The following NFIB variants were observed in gnomAD, a reference collection of about 807,000 sequenced individuals.
NFIB encodes the protein nuclear factor I B.
A neutral mutation model predicts 61.5 loss-of-function variants in NFIB; 11 were observed. That is an observed-to-expected ratio of 0.18 (90% confidence interval 0.11 to 0.30). NFIB has a LOEUF of 0.30. NFIB is among the 10% of genes least tolerant of loss of function. The pLI is 1.00. For missense variants in NFIB, 471 were observed against 608.9 expected, an observed-to-expected ratio of 0.77 and a Z score of 2.38; for synonymous variants, 260 against 216.5, an observed-to-expected ratio of 1.20 and a Z score of -1.76.
chr9:14,286,887 T>C (rs2058740195), intron 2 of NFIB, among the ~76,000 whole-genome samples: 1 of 152,140 alleles, frequency 6.6e-6, no homozygotes, highest in Non-Finnish European at 1.5e-5. Flanking sequence ...TCTCCCTACA[T>C]GTGCACAACA....
At chr9:14,100,637 C>G (rs1354764120) in intron 10 of NFIB, among the ~76,000 whole-genome samples, 2 of 152,190 alleles carry the variant, frequency 1.3e-5, no homozygotes, top group African/African-American at 4.8e-5. Flanking sequence ...TGGCGTGAAC[C>G]CGGGAGGCGG....
At chr9:14,116,171 A>C in intron 9 of NFIB, 37 bp downstream of exon 9, 1 of 1,462,922 alleles carries the variant, frequency 6.8e-7, no homozygotes, top group Non-Finnish European at 9.1e-7. Flanking sequence ...TTTCCTATGG[A>C]AATACTTACT....
At chr9:14,464,373 C>T in the NFIB span, among the ~76,000 whole-genome samples, 1 of 152,142 alleles carries the variant, frequency 6.6e-6, no homozygotes, top group Non-Finnish European at 1.5e-5. Context: ...TTTATTATCT[C>T]TTAGGCAGTG....
At chr9:14,404,726 T>C in the NFIB span, among the ~76,000 whole-genome samples, 1 of 152,110 alleles carries the variant, frequency 6.6e-6, no homozygotes, top group Non-Finnish European at 1.5e-5. Context: ...TGGGAGCTAG[T>C]GAGTTAAAGA....
chr9:14,449,669 C>CCTA, the NFIB span, among the ~76,000 whole-genome samples: 2 of 152,134 alleles, frequency 1.3e-5, no homozygotes, highest in Non-Finnish European at 2.9e-5. Context: ...GTGGCTTACA[C>CCTA]CTGTAATCCC....
chr9:14,092,393 T>C (rs575675384), intron 10 of NFIB, among the ~76,000 whole-genome samples: 1 of 152,200 alleles, frequency 6.6e-6, no homozygotes, highest in South Asian at 2.1e-4. Context: ...AGTGAGCTCA[T>C]GAGATGGCCA....
intron 6 of NFIB, among the ~76,000 whole-genome samples, chr9:14,139,186 G>A (rs1438765556): frequency 6.6e-6 from 1 of 152,140 alleles, no homozygotes; most frequent in Non-Finnish European, 1.5e-5. Context: ...TCTAGGCTCT[G>A]CCATTCATTA....
intron 6 of NFIB, among the ~76,000 whole-genome samples, chr9:14,129,412 CAA>C (rs1327769953): frequency 7.8e-6 from 1 of 128,030 alleles, no homozygotes; most frequent in African/African-American, 2.9e-5. Flanking sequence ...GACAAAAAAA[CAA>C]AAAAAAAACA....
At chr9:14,476,157 G>A in the NFIB span, among the ~76,000 whole-genome samples, 1 of 151,202 alleles carries the variant, frequency 6.6e-6, no homozygotes, top group Non-Finnish European at 1.5e-5. Context: ...CCAAATATTA[G>A]AAGTTCAAAA....
At position 14,376,635 on chromosome 9, in the gene NFIB, A is replaced by G. The variant is rs529337527; in HGVS notation, c.108+21889T>C. Reference sequence around the variant, plus strand: ...AGGTTCAAGTGATTCTCCTCCGTCAACCTCCCCAGTAGCTGGGATTACAGA... The same window carrying G: ...AGGTTCAAGTGATTCTCCTCCGTCAGCCTCCCCAGTAGCTGGGATTACAGA... On this transcript the variant is annotated intron_variant, in intron 1 of 8. Coordinates refer to the NFIB transcript ENST00000380934. Among the ~76,000 whole-genome samples, 4 of 151,126 alleles carry G rather than the reference A, an allele frequency of 2.6e-5. No homozygotes were observed. In the East Asian group the frequency reaches 7.8e-4, roughly 30 times the overall value.
the NFIB span, among the ~76,000 whole-genome samples, chr9:14,464,093 T>C: frequency 2.6e-5 from 4 of 152,130 alleles, no homozygotes; most frequent in African/African-American, 9.7e-5. Flanking sequence ...CGCTAGTGAC[T>C]GGCTGTGTCT....
intron 1 of NFIB, among the ~76,000 whole-genome samples, chr9:14,348,406 G>C (rs1021782948): frequency 3.3e-5 from 5 of 151,986 alleles, no homozygotes; most frequent in African/African-American, 1.2e-4. Flanking sequence ...GGCTCGCTGA[G>C]CGCCGTTCCA....
chr9:14,481,967 A>G, the NFIB span, among the ~76,000 whole-genome samples: 2 of 152,080 alleles, frequency 1.3e-5, no homozygotes, highest in African/African-American at 4.8e-5. Flanking sequence ...TGGCCGGACT[A>G]AATGACCTCT....
intron 1 of NFIB, among the ~76,000 whole-genome samples, chr9:14,330,206 T>C (rs1400142314): frequency 6.6e-6 from 1 of 152,190 alleles, no homozygotes; most frequent in Non-Finnish European, 1.5e-5. Flanking sequence ...GATCACTTTA[T>C]GGGGATAACA....
chr9:14,135,227 T>G (rs983534388), intron 6 of NFIB, among the ~76,000 whole-genome samples: 4 of 152,178 alleles, frequency 2.6e-5, no homozygotes, highest in Non-Finnish European at 5.9e-5. Context: ...TAGATATTTT[T>G]GGGAAAATTG....
In NFIB at chr9:14,313,208, C is replaced by T. The variant is rs922182423; in HGVS notation, c.30+274G>A. Among the ~76,000 whole-genome samples, 2 of 151,942 alleles carry T rather than the reference C, an allele frequency of 1.3e-5. No individual in the cohort carries two copies. The highest frequency in any genetic ancestry group is 2.9e-5 in the Non-Finnish European group (2 of 67,960). On this transcript the variant is annotated intron_variant, in intron 1 of 10. Transcript: ENST00000380953. The surrounding 1 kb of genome is among the most constrained non-coding windows in gnomAD (Gnocchi z 4.5). Reference sequence around the variant, plus strand: ...GGGGCCGCACGGGGCCTCGCACTTACAGGTCCCGGCCCTGCCCACCCCCCG... The same window carrying T: ...GGGGCCGCACGGGGCCTCGCACTTATAGGTCCCGGCCCTGCCCACCCCCCG...
chr9:14,115,741 C>T (rs2038031124), intron 9 of NFIB, among the ~76,000 whole-genome samples: 2 of 152,192 alleles, frequency 1.3e-5, no homozygotes, highest in African/African-American at 4.8e-5. Flanking sequence ...ACATAACCTA[C>T]AATGATGTAA....
At chr9:14,219,514 T>C (rs2051381445) in intron 2 of NFIB, among the ~76,000 whole-genome samples, 2 of 152,116 alleles carry the variant, frequency 1.3e-5, no homozygotes, top group African/African-American at 4.8e-5. Flanking sequence ...GCTTCTTTTC[T>C]CAAAATTACA....
chr9:14,298,982 A>G (rs1244848151), intron 2 of NFIB, among the ~76,000 whole-genome samples: 2 of 152,236 alleles, frequency 1.3e-5, no homozygotes, highest in Admixed American at 1.3e-4. Flanking sequence ...AGCAAATTTA[A>G]GGTAATCCAA....
Sources: gnomAD v4.1 joint callset for allele counts (sites outside exome capture counted in the v4.1 genomes callset) on GRCh38, gnomAD v4.1.1 for gene constraint, Gnocchi (gnomAD v3.1) non-coding constraint, MANE v1.5 for transcripts, NCBI Gene and HGNC (gene_info 2026-07-23, HGNC 2026-07-21) for gene names.